The following NAV3 variants were observed in gnomAD, a reference collection of about 807,000 sequenced individuals.
NAV3 encodes the protein pore membrane and/or filament interacting like protein 1.
In NAV3, 87 loss-of-function variants were observed where a neutral mutation model predicts 244.7. The observed-to-expected ratio is 0.36, with a 90% CI of 0.30 to 0.42. The LOEUF (loss-of-function observed/expected upper bound fraction) is 0.42, where lower values mean the gene tolerates loss of function less well. Among genes scored for constraint, NAV3 ranks in the 20% least tolerant of loss-of-function variants. The pLI, the probability that NAV3 is intolerant of heterozygous loss-of-function variation, is 1.00. For missense variants in NAV3, 2,663 were observed against 2,893.3 expected, an observed-to-expected ratio of 0.92 and a Z score of 1.83; for synonymous variants, 1,126 against 1,042.2, an observed-to-expected ratio of 1.08 and a Z score of -1.55.
rs899825252 is a variant in NAV3 at position 77,968,745 on chromosome 12, T to A, written c.671+43T>A. The stretch of plus-strand genomic sequence containing the variant: ...GGAATGTGTTTCCAATTAGTTTGTG[T>A]AGATACAACTTGTTTTTAACAAATT... On this transcript the variant is annotated intron_variant, in intron 5 of 39. Transcript: ENST00000397909. The A allele has an allele frequency of 3.2e-6, 5 of 1,568,826 alleles. No homozygotes were observed. In the African/African-American group the frequency reaches 5.4e-5, roughly 17 times the overall value.
chr12:77,854,106 A>T (rs1176011725), intron 1 of NAV3, among the ~76,000 whole-genome samples: 2 of 152,192 alleles, frequency 1.3e-5, no homozygotes, highest in Non-Finnish European at 2.9e-5. Flanking sequence ...CACACACAAT[A>T]TGAATTTCAG....
intron 1 of NAV3, among the ~76,000 whole-genome samples, chr12:77,902,029 C>A (rs956186290): frequency 7.2e-5 from 11 of 152,140 alleles, no homozygotes; most frequent in African/African-American, 1.9e-4. Flanking sequence ...ATTGTCTCTA[C>A]CTTTACCTCT....
chr12:78,022,228 A>G (rs1877274146), intron 9 of NAV3, among the ~76,000 whole-genome samples: 1 of 152,178 alleles, frequency 6.6e-6, no homozygotes, highest in Non-Finnish European at 1.5e-5. Context: ...TGTATGATTT[A>G]AAACATCTCT....
chr12:77,578,290 CG>C (rs1321773317), intron 2 of NAV3, among the ~76,000 whole-genome samples: 2 of 152,150 alleles, frequency 1.3e-5, no homozygotes, highest in African/African-American at 4.8e-5. Context: ...TAAGATCCCC[CG>C]GTGACTCTAA....
In NAV3 at chr12:78,160,235, G is replaced by A. The variant is rs986598440; in HGVS notation, c.4869+949G>A. 2.6e-5 allele frequency among the ~76,000 whole-genome samples: 4 copies of A among 152,240 alleles called. No individual in the cohort carries two copies. In the South Asian group the frequency reaches 8.3e-4, roughly 32 times the overall value. On this transcript the variant is annotated intron_variant, in intron 23 of 39. Transcript: ENST00000397909. Reference sequence around the variant, plus strand: ...GAGAATTTAGTTCACGAAGACAAATGTATTAAAAAGGTCCATACTGCATAG... The same window carrying A: ...GAGAATTTAGTTCACGAAGACAAATATATTAAAAAGGTCCATACTGCATAG...
intron 2 of NAV3, among the ~76,000 whole-genome samples, chr12:77,814,491 A>T (rs1592706919): frequency 6.6e-6 from 1 of 152,268 alleles, no homozygotes; most frequent in East Asian, 1.9e-4. Flanking sequence ...AACAATAAGG[A>T]GAGGAGGTTG....
At chr12:77,669,525 G>A (rs1873866613) in intron 2 of NAV3, among the ~76,000 whole-genome samples, 1 of 152,038 alleles carries the variant, frequency 6.6e-6, no homozygotes, top group South Asian at 2.1e-4. Context: ...CATGCAAATG[G>A]ACACCAAATG....
chr12:77,786,435 ACT>A (rs1870908444), intron 2 of NAV3, among the ~76,000 whole-genome samples: 1 of 151,826 alleles, frequency 6.6e-6, no homozygotes, highest in African/African-American at 2.4e-5. Context: ...AACTGAAGTG[ACT>A]CTTTTTTGTC....
intron 19 of NAV3, 119 bp downstream of exon 19, chr12:78,137,484 T>C (rs1956424538): frequency 9.8e-7 from 1 of 1,016,856 alleles, no homozygotes; most frequent in Admixed American, 3.1e-5. Context: ...GTAATTATCA[T>C]TTGGGAAACT....
chr12:77,909,705 T>A (rs890786680), intron 1 of NAV3, among the ~76,000 whole-genome samples: 12 of 152,120 alleles, frequency 7.9e-5, no homozygotes, highest in African/African-American at 2.7e-4. Flanking sequence ...CTTTCTTGTA[T>A]AAATGCTTCT....
chr12:77,967,043 C>T (rs567579170), intron 4 of NAV3, among the ~76,000 whole-genome samples: 1 of 152,054 alleles, frequency 6.6e-6, no homozygotes, highest in African/African-American at 2.4e-5. Flanking sequence ...TTAAATTACA[C>T]ATTTAATGAC....
intron 2 of NAV3, among the ~76,000 whole-genome samples, chr12:77,755,258 T>C (rs1427136953): frequency 6.6e-6 from 1 of 152,118 alleles, no homozygotes; most frequent in African/African-American, 2.4e-5. Flanking sequence ...TCACAATTAA[T>C]AATTTCTAGT....
chr12:77,654,566 C>T (rs1319897655), intron 2 of NAV3, among the ~76,000 whole-genome samples: 2 of 152,274 alleles, frequency 1.3e-5, no homozygotes, highest in East Asian at 1.9e-4. Flanking sequence ...CCTCTGCAGA[C>T]TTAAATGTCC....
intron 5 of NAV3, among the ~76,000 whole-genome samples, chr12:77,976,534 C>A (rs192264767): frequency 2.0e-5 from 3 of 152,144 alleles, no homozygotes; most frequent in African/African-American, 2.4e-5. Context: ...AATGGAGAGA[C>A]AGATCAATAG....
At chr12:77,588,762 A>T (rs1869762260) in intron 2 of NAV3, among the ~76,000 whole-genome samples, 1 of 152,254 alleles carries the variant, frequency 6.6e-6, no homozygotes, top group Non-Finnish European at 1.5e-5. Flanking sequence ...AAGTACAGGT[A>T]TGAATTGTGA....
At chr12:78,139,539 C>T (rs1203160187) in intron 19 of NAV3, among the ~76,000 whole-genome samples, 1 of 152,012 alleles carries the variant, frequency 6.6e-6, no homozygotes, top group Non-Finnish European at 1.5e-5. Flanking sequence ...ACATACTACT[C>T]CATAGTAAAA....
At chr12:78,000,042 A>G (rs1261245520) in intron 7 of NAV3, among the ~76,000 whole-genome samples, 1 of 152,236 alleles carries the variant, frequency 6.6e-6, no homozygotes, top group African/African-American at 2.4e-5. Context: ...ACACTTTTAT[A>G]TCTTAATTTA....
intron 24 of NAV3, among the ~76,000 whole-genome samples, chr12:78,170,185 C>A (rs1436279918): frequency 6.6e-6 from 1 of 151,666 alleles, no homozygotes; most frequent in Non-Finnish European, 1.5e-5. Flanking sequence ...GCATCTTAAA[C>A]CTAACTTCTC....
chr12:77,774,496 A>G (rs1870251549), intron 2 of NAV3, among the ~76,000 whole-genome samples: 1 of 152,194 alleles, frequency 6.6e-6, no homozygotes, highest in African/African-American at 2.4e-5. Flanking sequence ...GAGACAGGGT[A>G]TACATGGAGG....
Sources: gnomAD v4.1 joint callset for allele counts (sites outside exome capture counted in the v4.1 genomes callset) on GRCh38, gnomAD v4.1.1 for gene constraint, MANE v1.5 for transcripts, NCBI Gene and HGNC (gene_info 2026-07-23, HGNC 2026-07-21) for gene names.